The following MKLN1 variants were observed in gnomAD, a reference collection of about 807,000 sequenced individuals.
The protein encoded by MKLN1 is muskelin.
A neutral mutation model predicts 99.0 loss-of-function variants in MKLN1; 18 were observed. The observed-to-expected ratio is 0.18, with a 90% CI of 0.13 to 0.27. The LOEUF (loss-of-function observed/expected upper bound fraction) is 0.27. MKLN1 is among the 10% of genes least tolerant of loss of function. The pLI is 1.00. For missense variants in MKLN1, 621 were observed against 875.9 expected, an observed-to-expected ratio of 0.71 and a Z score of 3.67; for synonymous variants, 288 against 293.2, an observed-to-expected ratio of 0.98 and a Z score of 0.18.
Position 131,452,544 on chromosome 7 carries a change from C to CTTTTTTTTTTT in MKLN1, c.1525+6656_1525+6666dup, listed in dbSNP as rs1159344518. On this transcript the variant is annotated intron_variant, in intron 12 of 17. Coordinates refer to ENST00000352689, the MANE Select transcript of MKLN1 (RefSeq NM_013255.5). ...TCTTTATGTTTCTGATCCTTTTATA[C>CTTTTTTTTTTT]TTTTTTTTTTTTTTTTTTTTTTTTT... Among the ~76,000 whole-genome samples, 26 of 70,352 alleles carry CTTTTTTTTTTT rather than the reference C, an allele frequency of 3.7e-4. 1 individual carries two copies. Among genetic ancestry groups the CTTTTTTTTTTT allele is most frequent in the African/African-American group, 8.4e-4 (14 of 16,594 alleles). The allele number at this position is 70,352 out of a possible 152,430, so 46.2% of individuals were successfully genotyped here.
intron 2 of MKLN1, among the ~76,000 whole-genome samples, chr7:131,191,078 C>G (rs1332921852): frequency 6.6e-6 from 1 of 152,178 alleles, no homozygotes; most frequent in Non-Finnish European, 1.5e-5. Context: ...GATAGCAGGT[C>G]TTCATCAGTA....
chr7:131,220,843 C>A (rs1348303559), intron 3 of MKLN1, among the ~76,000 whole-genome samples: 5 of 152,088 alleles, frequency 3.3e-5, no homozygotes, highest in Non-Finnish European at 7.4e-5. Context: ...TGACTTTTAG[C>A]AACAAGGAAG....
intron 4 of MKLN1, among the ~76,000 whole-genome samples, chr7:131,390,079 A>G (rs1039486563): frequency 6.6e-6 from 1 of 152,160 alleles, no homozygotes; most frequent in Non-Finnish European, 1.5e-5. Flanking sequence ...TTGCCAATCT[A>G]TCAAGAGTTG....
intron 1 of MKLN1, among the ~76,000 whole-genome samples, chr7:131,347,026 T>G (rs1292958167): frequency 6.6e-6 from 1 of 152,214 alleles, no homozygotes; most frequent in African/African-American, 2.4e-5. Context: ...GCTCTTTGAC[T>G]GGGATACAGG....
intron 8 of MKLN1, among the ~76,000 whole-genome samples, chr7:131,422,476 C>T (rs1455474480): frequency 6.6e-6 from 1 of 152,114 alleles, no homozygotes; most frequent in Non-Finnish European, 1.5e-5. Context: ...ATGGCTTGAG[C>T]CCAGAAGTTC....
chr7:131,113,667 CA>C (rs71168363), intron 1 of MKLN1, among the ~76,000 whole-genome samples: 25,684 of 96,434 alleles, frequency 0.27, 2,357 homozygotes, highest in East Asian at 0.31. Flanking sequence ...TACAAAAATA[CA>C]AAAAAAAAAA....
chr7:131,415,851 G>A (rs1795002393), intron 8 of MKLN1, among the ~76,000 whole-genome samples: 1 of 152,080 alleles, frequency 6.6e-6, no homozygotes, highest in African/African-American at 2.4e-5. Flanking sequence ...TTTTTAGATT[G>A]TCTACACAGT....
chr7:131,189,620 G>A (rs1453015825), intron 2 of MKLN1, among the ~76,000 whole-genome samples: 1 of 151,950 alleles, frequency 6.6e-6, no homozygotes, highest in African/African-American at 2.4e-5. Flanking sequence ...CCTAGAGCCA[G>A]TCAGGGTCCT....
At chr7:131,401,087 A>C (rs1163737430) in intron 6 of MKLN1, among the ~76,000 whole-genome samples, 1 of 152,170 alleles carries the variant, frequency 6.6e-6, no homozygotes, top group Non-Finnish European at 1.5e-5. Flanking sequence ...AAGGACAAGA[A>C]GTTCCTGCCT....
At chr7:131,281,323 C>T (rs1798048438) in intron 3 of MKLN1, among the ~76,000 whole-genome samples, 1 of 151,988 alleles carries the variant, frequency 6.6e-6, no homozygotes, top group South Asian at 2.1e-4. Context: ...TGTCTTGGCA[C>T]TCTTCAGAAA....
rs537251791 is a variant in MKLN1, at chr7:131,150,485, T to TCAAACAAA, written c.-297+7564_-297+7571dup. 4.3e-3 allele frequency among the ~76,000 whole-genome samples: 661 copies of TCAAACAAA among 152,000 alleles called. 9 individuals carry two copies. Among genetic ancestry groups the TCAAACAAA allele is most frequent in the African/African-American group, 0.015 (626 of 41,412 alleles). ...TTGGGTGACAGATGAAGACCCTGTC[T>TCAAACAAA]CAAACAAACAAACAAACAAACAAAC... On this transcript the variant is annotated intron_variant, in intron 2 of 7. Coordinates refer to the MKLN1 transcript ENST00000416992.
chr7:131,363,133 G>A (rs1350066162), intron 1 of MKLN1, among the ~76,000 whole-genome samples: 1 of 151,790 alleles, frequency 6.6e-6, no homozygotes, highest in Non-Finnish European at 1.5e-5. Flanking sequence ...AGTTTTAGAA[G>A]GAAGAACTTC....
At chr7:131,423,750 T>C (rs899366904) in intron 8 of MKLN1, among the ~76,000 whole-genome samples, 1 of 152,246 alleles carries the variant, frequency 6.6e-6, no homozygotes, top group Admixed American at 6.5e-5. Flanking sequence ...AATTTATTCA[T>C]ATGGCTGTAC....
chr7:131,369,266 T>C (rs1314943774), intron 1 of MKLN1, among the ~76,000 whole-genome samples: 1 of 152,202 alleles, frequency 6.6e-6, no homozygotes, highest in Admixed American at 6.5e-5. Flanking sequence ...ATGAGAGTTC[T>C]AGGTGAAAGA....
intron 2 of MKLN1, among the ~76,000 whole-genome samples, chr7:131,144,997 A>G (rs1417937243): frequency 2.0e-5 from 3 of 151,448 alleles, no homozygotes; most frequent in African/African-American, 7.3e-5. Context: ...AACAACAACC[A>G]CAACAACAAC....
rs373267889 is a variant in MKLN1, at chr7:131,242,617, C to T, written c.-179+39643C>T. The T allele has an allele frequency of 4.0e-5, 20 of 505,634 alleles. 1 individual carries two copies. Among genetic ancestry groups the T allele is most frequent in the African/African-American group, 9.9e-5 (5 of 50,398 alleles). The allele number at this position is 505,634 out of a possible 1,614,324, so 31.3% of individuals were successfully genotyped here. ...ATGGGCAAGTTCATGAAACCTGGGA[C>T]GGTGGTGCTTGTTCTGGCTGGATGC... On this transcript the variant is annotated intron_variant, in intron 3 of 7. Transcript: ENST00000416992.
rs1797488392 is a variant in MKLN1, at chr7:131,494,035, C to G, written c.*6307C>G. On this transcript the variant is annotated 3_prime_UTR_variant, in exon 18 of 18. Coordinates refer to ENST00000352689, the MANE Select transcript of MKLN1 (RefSeq NM_013255.5). ...GCCTTTGTTACAGTTTAGCTCATGT[C>G]ATTTGGTTGGTTTTATTTTCTAGCC... 1 of 152,206 alleles carries G rather than the reference C, an allele frequency of 6.6e-6. No homozygotes were observed. The highest frequency in any genetic ancestry group is 1.5e-5 in the Non-Finnish European group (1 of 68,032). 9.4% of individuals were successfully genotyped at this position (152,206 alleles called of 1,614,324 possible).
chr7:131,214,340 A>G (rs1444155050), intron 3 of MKLN1, among the ~76,000 whole-genome samples: 1 of 149,336 alleles, frequency 6.7e-6, no homozygotes, highest in Non-Finnish European at 1.5e-5. Flanking sequence ...CCTAAGTGGA[A>G]TTGTGCTAGA....
At chr7:131,403,991 T>C (rs1794628695) in intron 6 of MKLN1, among the ~76,000 whole-genome samples, 1 of 152,208 alleles carries the variant, frequency 6.6e-6, no homozygotes, top group East Asian at 1.9e-4. Flanking sequence ...AAGGCATATG[T>C]ATGTTGAATT....
Sources: allele counts gnomAD v4.1 joint callset (sites outside exome capture counted in the v4.1 genomes callset), GRCh38; gene constraint gnomAD v4.1.1; transcripts MANE v1.5; gene names NCBI Gene and HGNC (gene_info 2026-07-23, HGNC 2026-07-21).